GPAT3: variants seen among roughly 807,000 people sequenced by gnomAD.
GPAT3 encodes 1-AGP acyltransferase 9.
In GPAT3, 53 loss-of-function variants were observed where a neutral mutation model predicts 58.8. The observed-to-expected ratio is 0.90, with a 90% confidence interval of 0.72 to 1.13. The LOEUF is 1.13. Ranked by LOEUF, GPAT3 falls within the 50% of genes most tolerant of loss-of-function variation. The pLI is 0.00. For synonymous variants in GPAT3, 197 were observed against 187.4 expected (o/e 1.05, Z -0.42); for missense variants, 511 against 527.6 (o/e 0.97, Z 0.31).
intron 2 of GPAT3, among the ~76,000 whole-genome samples, chr4:83,556,276 C>T (rs1224760309): frequency 6.6e-6 from 1 of 152,016 alleles, no homozygotes; most frequent in Non-Finnish European, 1.5e-5. Flanking sequence ...AAATGTTAGT[C>T]GTTAAAATGA....
intron 3 of GPAT3, among the ~76,000 whole-genome samples, chr4:83,582,666 C>A (rs1281117904): frequency 2.0e-5 from 3 of 152,170 alleles, no homozygotes; most frequent in Admixed American, 6.5e-5. Flanking sequence ...GAATTGAAAT[C>A]TTTTTACCAC....
At chr4:83,572,623 G>GA (rs1479007997) in intron 2 of GPAT3, among the ~76,000 whole-genome samples, 1 of 152,018 alleles carries the variant, frequency 6.6e-6, no homozygotes, top group Non-Finnish European at 1.5e-5. Context: ...ATCCTTTTAT[G>GA]AAAGTATTTT....
In GPAT3 at chr4:83,537,508, G is replaced by C. The variant is rs148348177; in HGVS notation, c.141+745G>C. 8.8e-4 allele frequency among the ~76,000 whole-genome samples: 134 copies of C among 152,190 alleles called. 2 individuals carry two copies. The highest frequency in any genetic ancestry group is 3.2e-3 in the African/African-American group (131 of 41,510). Reference sequence around the variant, plus strand: ...CCCCTTTTACAGAGAGGGAAACTGAGAGTCAGAGATCAGTGGTTTCTTTGA... The same window carrying C: ...CCCCTTTTACAGAGAGGGAAACTGACAGTCAGAGATCAGTGGTTTCTTTGA... On this transcript the variant is annotated intron_variant, in intron 1 of 11. Transcript: ENST00000264409.
At chr4:83,560,150 G>T (rs747226703) in intron 2 of GPAT3, among the ~76,000 whole-genome samples, 4 of 152,154 alleles carry the variant, frequency 2.6e-5, no homozygotes, top group African/African-American at 4.8e-5. Context: ...CCAAAGATTG[G>T]GCTGGTGAAA....
rs561972057 is a variant in GPAT3, at chr4:83,574,624, ATTTTTTTTTTTTTTTTTTTTTTTTT to A, written c.209-6909_209-6885del. 9.4e-3 allele frequency among the ~76,000 whole-genome samples: 520 copies of A among 55,556 alleles called. 19 individuals carry two copies. Among genetic ancestry groups the A allele is most frequent in the African/African-American group, 0.023 (344 of 14,678 alleles). 36.4% of individuals were successfully genotyped at this position (55,556 alleles called of 152,430 possible). On this transcript the variant is annotated intron_variant, in intron 2 of 11. Coordinates refer to ENST00000264409, the MANE Select transcript of GPAT3 (RefSeq NM_032717.5). ...AAAGCTGACTTGTAAAGTAAAATGAATTTTTTTTTTTTTTTTTTTTTTTTTTTTTTTTTTTTTTTTTTTTTTTTTT... is the reference window on the plus strand; with the variant it reads ...AAAGCTGACTTGTAAAGTAAAATGAATTTTTTTTTTTTTTTTTTTTTTTTT...
At chr4:83,568,539 G>A (rs1463414413) in intron 2 of GPAT3, among the ~76,000 whole-genome samples, 13 of 148,000 alleles carry the variant, frequency 8.8e-5, no homozygotes, top group East Asian at 2.0e-4. Flanking sequence ...ACGGAGTCTC[G>A]CTCTGTTGCC....
intron 2 of GPAT3, among the ~76,000 whole-genome samples, chr4:83,569,455 T>C (rs950013173): frequency 6.6e-6 from 1 of 152,182 alleles, no homozygotes; most frequent in East Asian, 1.9e-4. Context: ...TTAATAAAGA[T>C]GTAAAAATGG....
chr4:83,569,686 GC>G (rs775976397), intron 2 of GPAT3, among the ~76,000 whole-genome samples: 21 of 152,200 alleles, frequency 1.4e-4, no homozygotes, highest in Non-Finnish European at 2.4e-4. Context: ...CGTGGACCTG[GC>G]TGAACTACAG....
intron 11 of GPAT3, among the ~76,000 whole-genome samples, chr4:83,600,934 A>G (rs1166403104): frequency 3.3e-5 from 5 of 152,202 alleles, no homozygotes; most frequent in African/African-American, 1.2e-4. Context: ...ACTTTGCAAG[A>G]AAAGTTTATT....
intron 5 of GPAT3, among the ~76,000 whole-genome samples, chr4:83,589,249 T>C (rs1251251095): frequency 6.6e-6 from 1 of 152,230 alleles, no homozygotes; most frequent in Non-Finnish European, 1.5e-5. Flanking sequence ...ATATGCTAAA[T>C]AATTGTGTAT....
chr4:83,557,125 C>T (rs1020847368), intron 2 of GPAT3, among the ~76,000 whole-genome samples: 6 of 152,178 alleles, frequency 3.9e-5, no homozygotes, highest in African/African-American at 1.4e-4. Context: ...GGTTTCAACA[C>T]ACTAGTCTTG....
chr4:83,584,349 C>T (rs1434541985), intron 3 of GPAT3, among the ~76,000 whole-genome samples: 2 of 152,178 alleles, frequency 1.3e-5, no homozygotes, highest in East Asian at 3.8e-4. Flanking sequence ...GACTCCTACT[C>T]TTAGTGGATA....
intron 8 of GPAT3, among the ~76,000 whole-genome samples, chr4:83,597,211 A>G (rs17006924): frequency 0.021 from 3,150 of 152,276 alleles, 111 homozygotes; most frequent in African/African-American, 0.072. Context: ...CCATAGGCCC[A>G]TAGAGTGTTC....
Position 83,590,085 on chromosome 4 carries a change from G to A in GPAT3, c.645-114G>A, listed in dbSNP as rs1474327305. The A allele has an allele frequency of 7.9e-5, 70 of 888,796 alleles. 2 individuals are homozygous for A. Among genetic ancestry groups the A allele is most frequent in the South Asian group, 4.2e-4 (23 of 54,554 alleles). 55.1% of individuals were successfully genotyped at this position (888,796 alleles called of 1,614,324 possible). On this transcript the variant is annotated intron_variant, in intron 5 of 11. Coordinates refer to ENST00000264409, the MANE Select transcript of GPAT3 (RefSeq NM_032717.5). ...TCCAGCCTGGGCAACAGAGTGAGACGCGAAAAAAAAAATTACATATATACA... is the reference window on the plus strand; with the variant it reads ...TCCAGCCTGGGCAACAGAGTGAGACACGAAAAAAAAAATTACATATATACA...
chr4:83,546,829 G>A (rs906381581), intron 2 of GPAT3, among the ~76,000 whole-genome samples: 12 of 152,120 alleles, frequency 7.9e-5, no homozygotes, highest in East Asian at 3.8e-4. Flanking sequence ...TACTGCTTTC[G>A]TCTCTGCTAA....
intron 1 of GPAT3, among the ~76,000 whole-genome samples, chr4:83,537,172 T>C (rs879302697): frequency 2.0e-5 from 3 of 152,226 alleles, no homozygotes; most frequent in Non-Finnish European, 4.4e-5. Flanking sequence ...TTTTGTGTAC[T>C]AAGGCATCCA....
intron 6 of GPAT3, among the ~76,000 whole-genome samples, chr4:83,592,230 A>G (rs185883055): frequency 0.018 from 2,681 of 152,246 alleles, 67 homozygotes; most frequent in African/African-American, 0.06. Flanking sequence ...TAGATCATGT[A>G]TAACCGCAAT....
At position 83,578,904 on chromosome 4, in the gene GPAT3, TTC is replaced by T. The variant is rs1253663314; in HGVS notation, c.209-2656_209-2655del. Among the ~76,000 whole-genome samples, 8 of 128,408 alleles carry T rather than the reference TTC, an allele frequency of 6.2e-5. No individual in the cohort carries two copies. The East Asian group carries it at 1.9e-3, about 31-fold the overall frequency. The allele number at this position is 128,408 out of a possible 152,430, so 84.2% of individuals were successfully genotyped here. On this transcript the variant is annotated intron_variant, in intron 2 of 11. Coordinates refer to ENST00000264409, the MANE Select transcript of GPAT3 (RefSeq NM_032717.5). The stretch of plus-strand genomic sequence containing the variant: ...TCCCTTCCCTCCCTCCCTCTTTCTT[TTC>T]TTTTTTCTTTTTTCTTTTCTTTCTT...
At chr4:83,580,724 T>A (rs1186408707) in intron 2 of GPAT3, among the ~76,000 whole-genome samples, 1 of 152,212 alleles carries the variant, frequency 6.6e-6, no homozygotes, top group Non-Finnish European at 1.5e-5. Flanking sequence ...ATATTAACTA[T>A]TAATATTCAT....
Sources: gnomAD v4.1 joint callset for allele counts (sites outside exome capture counted in the v4.1 genomes callset) on GRCh38, gnomAD v4.1.1 for gene constraint, MANE v1.5 for transcripts, NCBI Gene and HGNC (gene_info 2026-07-23, HGNC 2026-07-21) for gene names.